The following CACNA2D3 variants were observed in gnomAD, a reference collection of about 807,000 sequenced individuals.
CACNA2D3 encodes calcium voltage-gated channel auxiliary subunit alpha2delta 3.
In CACNA2D3, 60 loss-of-function variants were observed where a neutral mutation model predicts 160.6. The ratio of observed to expected loss-of-function variants is 0.37; its 90% CI spans 0.30 to 0.46. The LOEUF (loss-of-function observed/expected upper bound fraction) is 0.46. Among genes scored for constraint, CACNA2D3 ranks in the 20% least tolerant of loss-of-function variants. CACNA2D3 has a pLI of 1.00. For synonymous variants in CACNA2D3, 558 were observed against 492.9 expected (o/e 1.13, Z -1.75); for missense variants, 1,205 against 1,365.0 (o/e 0.88, Z 1.85).
chr3:54,591,944 G>A (rs547218262), intron 9 of CACNA2D3, among the ~76,000 whole-genome samples: 1 of 152,274 alleles, frequency 6.6e-6, no homozygotes, highest in South Asian at 2.1e-4. Context: ...ATGCTGACAA[G>A]TTCTTATGAC....
chr3:54,999,882 C>G (rs1177928706), intron 31 of CACNA2D3, among the ~76,000 whole-genome samples: 1 of 152,236 alleles, frequency 6.6e-6, no homozygotes, highest in Non-Finnish European at 1.5e-5. Context: ...ATCCAAGGCT[C>G]TACCCAGCAT....
intron 5 of CACNA2D3, among the ~76,000 whole-genome samples, chr3:54,551,481 G>A (rs1702156231): frequency 6.6e-6 from 1 of 152,188 alleles, no homozygotes; most frequent in African/African-American, 2.4e-5. Flanking sequence ...ATAGTTGTAA[G>A]AGTTAACGTA....
At chr3:54,848,767 A>G (rs144120320) in intron 17 of CACNA2D3, among the ~76,000 whole-genome samples, 1,736 of 152,308 alleles carry the variant, frequency 0.011, 32 homozygotes, top group African/African-American at 0.039. Flanking sequence ...CATCCACACT[A>G]TGTGACTTTG....
intron 17 of CACNA2D3, among the ~76,000 whole-genome samples, chr3:54,871,182 G>T: frequency 1.6e-5 from 2 of 127,786 alleles, no homozygotes; most frequent in Admixed American, 1.5e-4. Flanking sequence ...TATAGGTGGA[G>T]ACACACACAC....
intron 2 of CACNA2D3, among the ~76,000 whole-genome samples, chr3:54,209,760 TA>T (rs1386124729): frequency 3.9e-5 from 6 of 152,256 alleles, no homozygotes; most frequent in African/African-American, 1.4e-4. Context: ...GAGGATGTTC[TA>T]AAGTATACGT....
chr3:54,400,705 C>G (rs1699443640), intron 4 of CACNA2D3, among the ~76,000 whole-genome samples: 2 of 152,096 alleles, frequency 1.3e-5, no homozygotes, highest in South Asian at 2.1e-4. Context: ...AGTCACCATG[C>G]CCTACCAAAT....
chr3:54,703,570 C>A (rs525736), intron 11 of CACNA2D3, among the ~76,000 whole-genome samples: 138,408 of 152,180 alleles, frequency 0.91, 63,213 homozygotes, highest in African/African-American at 0.93. Context: ...GGTTCAATAA[C>A]CGTTGACTAT....
At chr3:54,503,729 G>A in intron 5 of CACNA2D3, 75 bp downstream of exon 5, 2 of 1,385,550 alleles carry the variant, frequency 1.4e-6, no homozygotes, top group Non-Finnish European at 2.0e-6. Flanking sequence ...GGCTGGTTTG[G>A]GATATAGTTT....
At chr3:54,791,787 A>G (rs956228729) in intron 13 of CACNA2D3, among the ~76,000 whole-genome samples, 6 of 152,210 alleles carry the variant, frequency 3.9e-5, no homozygotes, top group Non-Finnish European at 8.8e-5. Flanking sequence ...AAGACTTTTC[A>G]AAAACCAGAT....
chr3:54,857,157 A>G (rs1699189424), intron 17 of CACNA2D3, among the ~76,000 whole-genome samples: 1 of 152,186 alleles, frequency 6.6e-6, no homozygotes, highest in African/African-American at 2.4e-5. Flanking sequence ...AACAGTGTGT[A>G]CAAAAACTCT....
intron 16 of CACNA2D3, among the ~76,000 whole-genome samples, chr3:54,842,729 T>G (rs1188243324): frequency 1.3e-5 from 2 of 151,296 alleles, no homozygotes; most frequent in Non-Finnish European, 2.9e-5. Context: ...GCCTCCAGAG[T>G]ATCTGGGATT....
chr3:54,175,613 C>CAAA (rs1163953295), intron 2 of CACNA2D3, among the ~76,000 whole-genome samples: 17 of 90,276 alleles, frequency 1.9e-4, no homozygotes, highest in South Asian at 3.9e-4. Flanking sequence ...GACTCTGTCT[C>CAAA]AAAAAAAAAA....
chr3:54,798,360 C>T (rs1468716430), intron 13 of CACNA2D3, among the ~76,000 whole-genome samples: 1 of 151,946 alleles, frequency 6.6e-6, no homozygotes, highest in Non-Finnish European at 1.5e-5. Flanking sequence ...TGGTGAAACC[C>T]CATCTGTACT....
chr3:54,214,514 A>G (rs1037992236), intron 2 of CACNA2D3, among the ~76,000 whole-genome samples: 3 of 152,144 alleles, frequency 2.0e-5, no homozygotes, highest in Admixed American at 6.5e-5. Flanking sequence ...CCCTGAAGGT[A>G]GGTTGAAGAA....
At chr3:54,379,727 G>A (rs1699068362) in intron 3 of CACNA2D3, among the ~76,000 whole-genome samples, 2 of 152,250 alleles carry the variant, frequency 1.3e-5, no homozygotes, top group South Asian at 2.1e-4. Context: ...TGGCTGGAAC[G>A]TTCTTTCAGC....
intron 12 of CACNA2D3, among the ~76,000 whole-genome samples, chr3:54,758,753 T>A (rs1376556537): frequency 6.6e-6 from 1 of 152,128 alleles, no homozygotes; most frequent in East Asian, 1.9e-4. Flanking sequence ...GAGACTGATA[T>A]TTTGGTGCTG....
chr3:54,610,304 GA>G (rs1698726065), intron 9 of CACNA2D3, among the ~76,000 whole-genome samples: 2 of 152,202 alleles, frequency 1.3e-5, no homozygotes, highest in African/African-American at 2.4e-5. Context: ...ACTTTGCAAT[GA>G]TTGGGATACA....
At chr3:54,458,880 T>C (rs1485759211) in intron 4 of CACNA2D3, among the ~76,000 whole-genome samples, 1 of 152,094 alleles carries the variant, frequency 6.6e-6, no homozygotes, top group African/African-American at 2.4e-5. Flanking sequence ...CATTAACTCG[T>C]CATTTAGCAT....
intron 25 of CACNA2D3, among the ~76,000 whole-genome samples, chr3:54,894,300 C>T (rs11130438): frequency 0.4 from 61,447 of 151,994 alleles, 13,597 homozygotes; most frequent in East Asian, 0.79. Context: ...CAGGGTTTCC[C>T]GGCAACTCAG....
Sources: gnomAD v4.1 joint callset for allele counts (sites outside exome capture counted in the v4.1 genomes callset) on GRCh38, gnomAD v4.1.1 for gene constraint, MANE v1.5 for transcripts, NCBI Gene and HGNC (gene_info 2026-07-23, HGNC 2026-07-21) for gene names.